WDR6: variants seen among roughly 807,000 people sequenced by gnomAD.
WDR6 encodes the protein tRNA (34-2'-O)-methyltransferase regulator WDR6.
A neutral mutation model predicts 85.6 loss-of-function variants in WDR6; 58 were observed. That is an observed-to-expected ratio of 0.68 (90% CI 0.55 to 0.84). WDR6 has a LOEUF of 0.84. Ranked by LOEUF, WDR6 falls within the 40% of genes least tolerant of loss-of-function variation. The pLI is 0.00. For synonymous variants in WDR6, 569 were observed against 582.2 expected, an observed-to-expected ratio of 0.98 and a Z score of 0.33; for missense variants, 1,310 against 1,476.4, an observed-to-expected ratio of 0.89 and a Z score of 1.85.
chr3:49,014,987 C>T lies in WDR6; in HGVS notation c.3065C>T (p.Ala1022Val), dbSNP rs759807651. The change falls in exon 6 of 6, where the codon GCT (alanine) becomes GTT (valine). Residue 1022 changes from alanine to valine, a missense_variant. Ala to Val is a moderately conservative substitution (Grantham distance 64, BLOSUM62 0). Coordinates refer to ENST00000608424, the MANE Select transcript of WDR6 (RefSeq NM_018031.6). This position sits in a 1 kb window ranked among gnomAD's most constrained non-coding sequence, Gnocchi z 4.9. Reference sequence around the variant, plus strand: ...GTGGAGATGCTACAGCTAGAAGAGGCTGTGGGAGAGGCTGGGCTGGTACCC... The same window carrying T: ...GTGGAGATGCTACAGCTAGAAGAGGTTGTGGGAGAGGCTGGGCTGGTACCC... ...LAVEMLQLEE[A>V]VGEAGLVPQL... is the part of the protein sequence containing the mutation. 1.9e-6 allele frequency: 3 copies of T among 1,614,166 alleles called. No individual in the cohort carries two copies. In the South Asian group the frequency reaches 3.3e-5, roughly 18 times the overall value.
At chr3:49,011,543 C>T in intron 1 of WDR6, 92 bp from the exon 2 acceptor site, 1 of 1,612,444 alleles carries the variant, frequency 6.2e-7, no homozygotes, top group Non-Finnish European at 8.5e-7. Context: ...TCATAGGCTA[C>T]ATGCCGAGAA....
rs553278003 is a variant in WDR6, at chr3:49,010,791, A to C, written c.101-844A>C. 7.3e-5 allele frequency among the ~76,000 whole-genome samples: 11 copies of C among 151,068 alleles called. No individual in the cohort carries two copies. In the East Asian group the frequency reaches 2.2e-3, roughly 30 times the overall value. ...CCTGAACCCGGGAGGTGGAACTTGC[A>C]GTGAGCTGAGATCGTGCCACTGCAC... is the stretch of plus-strand genomic sequence containing the variant. On this transcript the variant is annotated intron_variant, in intron 1 of 5. Transcript: ENST00000608424.
intron 1 of WDR6, chr3:49,008,472 G>A (rs549331180): frequency 1.3e-5 from 2 of 152,268 alleles, no homozygotes; most frequent in African/African-American, 4.8e-5. Flanking sequence ...TTCCTACCGC[G>A]AGCTAAACTC....
chr3:49,014,584 T>C lies in WDR6; in HGVS notation c.2784-16T>C. On this transcript the variant is annotated splice_polypyrimidine_tract_variant and intron_variant, in intron 4 of 5. Transcript: ENST00000608424. This position sits in a 1 kb window ranked among gnomAD's most constrained non-coding sequence, Gnocchi z 4.9. The stretch of plus-strand genomic sequence containing the variant: ...CATCTCTGTTATTGACCAGGCTGTC[T>C]TTTCCTGGCTCTCAGGAGGCTCCTC... The C allele has an allele frequency of 3.1e-6, 5 of 1,609,926 alleles. No homozygotes were observed. The highest frequency in any genetic ancestry group is 4.2e-6 in the Non-Finnish European group (5 of 1,177,378).
chr3:49,009,354 G>A (rs1389841422), intron 1 of WDR6, among the ~76,000 whole-genome samples: 3 of 82,182 alleles, frequency 3.7e-5, no homozygotes, highest in East Asian at 3.7e-4. Context: ...CCCCTCTTCC[G>A]CCTCCTTTCC....
At chr3:49,010,288 C>T (rs1423903257) in intron 1 of WDR6, among the ~76,000 whole-genome samples, 1 of 151,692 alleles carries the variant, frequency 6.6e-6, no homozygotes, top group African/African-American at 2.4e-5. Context: ...TGCCTGTAGT[C>T]CCAGCTACTT....
chr3:49,012,627 G>A lies in WDR6; in HGVS notation c.1093G>A (p.Val365Met), dbSNP rs749913915. Residue 365 changes from valine to methionine, a missense_variant, in exon 2 of 6, where the codon GTG (valine) becomes ATG (methionine). Physicochemically the swap from Val to Met is conservative, Grantham distance 21. Coordinates refer to ENST00000608424, the MANE Select transcript of WDR6 (RefSeq NM_018031.6). The surrounding 1 kb of genome is among the most constrained non-coding windows in gnomAD (Gnocchi z 4.4). ...TLAGSWRLLA[V>M]TDTGALYLYD... is the part of the protein sequence containing the mutation. Reference sequence around the variant, plus strand: ...GGCTGGCTCTTGGCGACTGCTGGCAGTGACTGATACAGGGGCCCTGTATCT... The same window carrying A: ...GGCTGGCTCTTGGCGACTGCTGGCAATGACTGATACAGGGGCCCTGTATCT... 8.7e-6 allele frequency: 14 copies of A among 1,613,984 alleles called. No homozygotes were observed. In the East Asian group the frequency reaches 2.7e-4, roughly 31 times the overall value.
At position 49,014,369 on chromosome 3, in the gene WDR6, C is replaced by A. The variant is rs745839270; in HGVS notation, c.2667-14C>A. Reference sequence around the variant, plus strand: ...TAGGATGCGTTCTGAGCTGGGCCACCCCCCGCCCCCCAGGCTCTTTCTTTT... The same window carrying A: ...TAGGATGCGTTCTGAGCTGGGCCACACCCCGCCCCCCAGGCTCTTTCTTTT... On this transcript the variant is annotated splice_polypyrimidine_tract_variant and intron_variant, in intron 3 of 5. Transcript: ENST00000608424. This position sits in a 1 kb window ranked among gnomAD's most constrained non-coding sequence, Gnocchi z 4.9. 2.5e-6 allele frequency: 4 copies of A among 1,613,908 alleles called. No individual in the cohort carries two copies. The Admixed American group carries it at 5.0e-5, about 20-fold the overall frequency.
At chr3:49,008,228 G>T (rs991852522) in intron 1 of WDR6, 1 of 152,356 alleles carries the variant, frequency 6.6e-6, no homozygotes, top group East Asian at 1.9e-4. Context: ...GAACCGGGTC[G>T]CAAAGGACAG....
At position 49,012,976 on chromosome 3, in the gene WDR6, G is replaced by A. The variant is rs1292019419; in HGVS notation, c.1442G>A (p.Arg481His). The stretch of plus-strand genomic sequence containing the variant: ...GGCAAGGCCATCTTTGTCAAGGAAC[G>A]TTGTCGGTACCTGCTGCCCCCAAGC... Reference protein sequence around the residue: ...PSGKAIFVKERCRYLLPPSKQ... With the variant: ...PSGKAIFVKEHCRYLLPPSKQ... Residue 481 changes from arginine (R) to histidine (H), a missense_variant, in exon 2 of 6, where the codon CGT (arginine) becomes CAT (histidine). By Grantham distance (29) the Arg-to-His change is conservative. Transcript: ENST00000608424. The surrounding 1 kb of genome is among the most constrained non-coding windows in gnomAD (Gnocchi z 4.4). The A allele has an allele frequency of 1.2e-6, 2 of 1,613,800 alleles. No homozygotes were observed. The highest frequency in any genetic ancestry group is 1.3e-5 in the African/African-American group (1 of 74,838).
In WDR6 at chr3:49,015,480, G is replaced by A. The variant is rs2093050438; in HGVS notation, c.*192G>A. 1 of 1,543,370 alleles carries A rather than the reference G, an allele frequency of 6.5e-7. No individual in the cohort carries two copies. The highest frequency in any genetic ancestry group is 1.4e-5 in the African/African-American group (1 of 73,040). On this transcript the variant is annotated 3_prime_UTR_variant, in exon 6 of 6. Coordinates refer to ENST00000608424, the MANE Select transcript of WDR6 (RefSeq NM_018031.6). ...GAATATGCCCGACTCCCCATGACAAGACAGAACTTTGTAACAAACAGTACC... is the reference window on the plus strand; with the variant it reads ...GAATATGCCCGACTCCCCATGACAAAACAGAACTTTGTAACAAACAGTACC...
Position 49,015,801 on chromosome 3 carries a change from C to A in WDR6, c.*513C>A, listed in dbSNP as rs1254082132. ...GTCCCACCCCATTTTGCTGTGTGCT[C>A]ACCCCCAGGATGTGTACCCGGTTGT... On this transcript the variant is annotated 3_prime_UTR_variant, in exon 6 of 6. Coordinates refer to ENST00000608424, the MANE Select transcript of WDR6 (RefSeq NM_018031.6). 3 of 1,614,036 alleles carry A rather than the reference C, an allele frequency of 1.9e-6. No individual in the cohort carries two copies. The highest frequency in any genetic ancestry group is 1.7e-5 in the Admixed American group (1 of 59,988).
At chr3:49,009,755 T>C (rs2093004697) in intron 1 of WDR6, among the ~76,000 whole-genome samples, 1 of 151,038 alleles carries the variant, frequency 6.6e-6, no homozygotes, top group Admixed American at 6.6e-5. Flanking sequence ...TGAGACAGAG[T>C]CTTGCTCTAT....
chr3:49,007,427 T>C lies in WDR6; in HGVS notation c.-5T>C. 1 of 1,609,754 alleles carries C rather than the reference T, an allele frequency of 6.2e-7. No individual in the cohort carries two copies. The highest frequency in any genetic ancestry group is 8.5e-7 in the Non-Finnish European group (1 of 1,178,358). On this transcript the variant is annotated 5_prime_UTR_variant, in exon 1 of 6. Coordinates refer to ENST00000608424, the MANE Select transcript of WDR6 (RefSeq NM_018031.6). The surrounding 1 kb of genome is among the most constrained non-coding windows in gnomAD (Gnocchi z 5.1). ...CGTGGCTGCCTCAGCACCTCGAGGA[T>C]CGACATGGACGCTCTCGAGGACTAC...
At chr3:49,011,490 A>T (rs1328764588) in intron 1 of WDR6, 145 bp from the exon 2 acceptor site, 1 of 1,606,598 alleles carries the variant, frequency 6.2e-7, no homozygotes, top group Admixed American at 1.7e-5. Flanking sequence ...GAGACCAAGG[A>T]TTTTCTAAGA....
Position 49,015,443 on chromosome 3 carries a change from G to T in WDR6, c.*155G>T. The T allele has an allele frequency of 7.1e-7, 1 of 1,415,938 alleles. No homozygotes were observed. The highest frequency in any genetic ancestry group is 9.7e-7 in the Non-Finnish European group (1 of 1,029,340). The allele number at this position is 1,415,938 out of a possible 1,614,324, so 87.7% of individuals were successfully genotyped here. A position where few individuals can be genotyped will look rare whatever the true frequency, so the allele number is the denominator to read the frequency against. On this transcript the variant is annotated 3_prime_UTR_variant, in exon 6 of 6. Coordinates refer to ENST00000608424, the MANE Select transcript of WDR6 (RefSeq NM_018031.6). ...TCGGTGCAGGAGCTGAAGGTGAGTGGAGTGCTGCCAAGAATATGCCCGACT... is the reference window on the plus strand; with the variant it reads ...TCGGTGCAGGAGCTGAAGGTGAGTGTAGTGCTGCCAAGAATATGCCCGACT...
Position 49,015,611 on chromosome 3 carries a change from G to C in WDR6, c.*323G>C, listed in dbSNP as rs2093052339. 6.2e-7 allele frequency: 1 copy of C among 1,614,046 alleles called. No homozygotes were observed. Among genetic ancestry groups the C allele is most frequent in the African/African-American group, 1.3e-5 (1 of 74,910 alleles). On this transcript the variant is annotated 3_prime_UTR_variant, in exon 6 of 6. Coordinates refer to ENST00000608424, the MANE Select transcript of WDR6 (RefSeq NM_018031.6). ...CCTTAAATGTGGCTCAGTGGAGGGA[G>C]ACCCAGCATAGCCAGGCCAGTATGG...
At chr3:49,008,683 G>C (rs1024649925) in intron 1 of WDR6, among the ~76,000 whole-genome samples, 2 of 152,184 alleles carry the variant, frequency 1.3e-5, no homozygotes, top group African/African-American at 4.8e-5. Context: ...AGCTGGACAA[G>C]CGAGCAGAGG....
At position 49,013,704 on chromosome 3, in the gene WDR6, T is replaced by C; in HGVS notation, c.2170T>C (p.Phe724Leu). 1 of 1,614,106 alleles carries C rather than the reference T, an allele frequency of 6.2e-7. No individual in the cohort carries two copies. ...TLGPEYGVPSFMQPDDLEPGS... is the reference protein window; with the variant it reads ...TLGPEYGVPSLMQPDDLEPGS... Reference sequence around the variant, plus strand: ...GGGGCCTGAATATGGAGTGCCCAGCTTCATGCAGCCTGATGACCTGGAGCC... The same window carrying C: ...GGGGCCTGAATATGGAGTGCCCAGCCTCATGCAGCCTGATGACCTGGAGCC... The change falls in exon 2 of 6, where the codon TTC becomes CTC. Residue 724 changes from phenylalanine (F) to leucine (L), a missense_variant. Coordinates refer to ENST00000608424, the MANE Select transcript of WDR6 (RefSeq NM_018031.6). This position sits in a 1 kb window ranked among gnomAD's most constrained non-coding sequence, Gnocchi z 4.6.
Sources: allele counts gnomAD v4.1 joint callset (sites outside exome capture counted in the v4.1 genomes callset), GRCh38; gene constraint gnomAD v4.1.1; non-coding constraint Gnocchi (gnomAD v3.1); transcripts MANE v1.5; gene names NCBI Gene and HGNC (gene_info 2026-07-23, HGNC 2026-07-21).